The following ROBO2 variants were observed in gnomAD, a reference collection of about 807,000 sequenced individuals.
ROBO2 encodes the protein roundabout homolog 2.
Under a neutral mutation model 160.8 loss-of-function variants are expected in ROBO2, and 53 were observed. That is an observed-to-expected ratio of 0.33 (90% CI 0.26 to 0.41). The LOEUF (loss-of-function observed/expected upper bound fraction) is 0.41, where lower values mean the gene tolerates loss of function less well. Ranked by LOEUF, ROBO2 falls within the 10% of genes least tolerant of loss-of-function variation. The pLI is 1.00. For missense variants in ROBO2, 1,577 were observed against 1,722.4 expected (o/e 0.92, Z 1.49); for synonymous variants, 664 against 611.7 (o/e 1.09, Z -1.26).
intron 2 of ROBO2, among the ~76,000 whole-genome samples, chr3:76,408,799 T>A (rs1478946969): frequency 6.6e-6 from 1 of 152,076 alleles, no homozygotes; most frequent in African/African-American, 2.4e-5. Flanking sequence ...CAGAATATTT[T>A]AAATTTTGTA....
Position 76,272,893 on chromosome 3 carries a change from A to ATATAATATATATTTATATATAAAT in ROBO2, c.109+335291_109+335292insTATAATATATATTTATATATAAAT, listed in dbSNP as rs544962221. 5.1e-4 allele frequency among the ~76,000 whole-genome samples: 19 copies of ATATAATATATATTTATATATAAAT among 37,158 alleles called. 1 individual carries two copies. Among genetic ancestry groups the ATATAATATATATTTATATATAAAT allele is most frequent in the East Asian group, 1.3e-3 (2 of 1,520 alleles). 24.4% of individuals were successfully genotyped at this position (37,158 alleles called of 152,430 possible). ...TATATAATATATATTTATATATAAA[A>ATATAATATATATTTATATATAAAT]ATATAATATATATTTATATATAAAA... On this transcript the variant is annotated intron_variant, in intron 2 of 26. Transcript: ENST00000487694.
At chr3:76,515,107 A>T (rs2081285412) in intron 2 of ROBO2, among the ~76,000 whole-genome samples, 1 of 152,172 alleles carries the variant, frequency 6.6e-6, no homozygotes, top group Admixed American at 6.5e-5. Context: ...AAACACTTGG[A>T]TTAACTATCT....
intron 2 of ROBO2, among the ~76,000 whole-genome samples, chr3:77,205,512 TG>T (rs1192560405): frequency 6.6e-6 from 1 of 151,868 alleles, no homozygotes; most frequent in Non-Finnish European, 1.5e-5. Context: ...GGGTACAGGA[TG>T]GGGGGACATG....
At chr3:76,416,680 C>T (rs2075770405) in intron 2 of ROBO2, among the ~76,000 whole-genome samples, 1 of 151,990 alleles carries the variant, frequency 6.6e-6, no homozygotes, top group Admixed American at 6.6e-5. Flanking sequence ...AGATGATGAC[C>T]ACAAGACACA....
At chr3:77,461,704 G>C (rs1374846732) in intron 2 of ROBO2, among the ~76,000 whole-genome samples, 4 of 150,720 alleles carry the variant, frequency 2.7e-5, no homozygotes, top group African/African-American at 9.7e-5. Context: ...TTTTTTAAAG[G>C]AGGAATCATT....
chr3:76,218,937 G>A (rs949185952), intron 2 of ROBO2, among the ~76,000 whole-genome samples: 116 of 152,128 alleles, frequency 7.6e-4, no homozygotes, highest in African/African-American at 2.6e-3. Flanking sequence ...AGTAACCAAA[G>A]CAGCATGATA....
chr3:77,593,641 T>C (rs2094231037), intron 17 of ROBO2, among the ~76,000 whole-genome samples: 1 of 152,194 alleles, frequency 6.6e-6, no homozygotes, highest in Non-Finnish European at 1.5e-5. Context: ...AGAGTCATAT[T>C]ACCTGATTAT....
intron 2 of ROBO2, among the ~76,000 whole-genome samples, chr3:76,181,458 A>G (rs1015007395): frequency 6.6e-6 from 1 of 152,126 alleles, no homozygotes; most frequent in Non-Finnish European, 1.5e-5. Context: ...GTATGATGGG[A>G]AATTAGAACT....
intron 2 of ROBO2, among the ~76,000 whole-genome samples, chr3:77,349,933 C>T (rs999327824): frequency 2.0e-5 from 3 of 151,938 alleles, no homozygotes; most frequent in Non-Finnish European, 4.4e-5. Context: ...GCAGTCTGGT[C>T]CCGATGTTAG....
At chr3:77,207,142 T>C (rs1180979392) in intron 2 of ROBO2, among the ~76,000 whole-genome samples, 1 of 152,214 alleles carries the variant, frequency 6.6e-6, no homozygotes, top group African/African-American at 2.4e-5. Flanking sequence ...TTATAAATAA[T>C]ATAAAGACTA....
chr3:77,445,411 C>T (rs1218255274), intron 2 of ROBO2, among the ~76,000 whole-genome samples: 1 of 151,938 alleles, frequency 6.6e-6, no homozygotes, highest in Non-Finnish European at 1.5e-5. Context: ...TATGTCACTC[C>T]TCATAAAATA....
chr3:76,959,871 C>T (rs2079527432), intron 2 of ROBO2, among the ~76,000 whole-genome samples: 1 of 151,986 alleles, frequency 6.6e-6, no homozygotes. Flanking sequence ...AAAAATATGA[C>T]AGAAAAAGTA....
chr3:76,835,398 TATA>T lies in ROBO2; in HGVS notation c.110-262609_110-262607del, dbSNP rs1002965030. Among the ~76,000 whole-genome samples, 46 of 147,654 alleles carry T rather than the reference TATA, an allele frequency of 3.1e-4. No homozygotes were observed. The East Asian group carries it at 7.9e-3, about 25-fold the overall frequency. Reference sequence around the variant, plus strand: ...ACAATAATACATTATATGTATTATATATAATAATATATAATATATATAATATAT... The same window carrying T: ...ACAATAATACATTATATGTATTATATATAATATATAATATATATAATATAT... On this transcript the variant is annotated intron_variant, in intron 2 of 26. Coordinates refer to the ROBO2 transcript ENST00000487694.
intron 1 of ROBO2, among the ~76,000 whole-genome samples, chr3:77,090,293 A>G (rs1388859574): frequency 7.8e-6 from 1 of 127,564 alleles, no homozygotes; most frequent in African/African-American, 2.8e-5. Flanking sequence ...TGATCCATAT[A>G]TATGATTTCT....
chr3:76,174,209 T>C (rs1264077656), intron 2 of ROBO2, among the ~76,000 whole-genome samples: 1 of 152,312 alleles, frequency 6.6e-6, no homozygotes, highest in Admixed American at 6.5e-5. Context: ...TTGATGGGGT[T>C]GTTTGCTTTT....
At chr3:77,141,344 T>C (rs1434443851) in intron 2 of ROBO2, among the ~76,000 whole-genome samples, 1 of 151,752 alleles carries the variant, frequency 6.6e-6, no homozygotes, top group African/African-American at 2.4e-5. Flanking sequence ...CCATTATCCT[T>C]GGACGTATAT....
At chr3:76,774,892 A>T (rs1214214329) in intron 2 of ROBO2, among the ~76,000 whole-genome samples, 7 of 150,158 alleles carry the variant, frequency 4.7e-5, no homozygotes. Context: ...AATGGAAAAT[A>T]GTTTGGATGC....
chr3:76,708,851 G>T (rs930745601), intron 2 of ROBO2, among the ~76,000 whole-genome samples: 1 of 152,104 alleles, frequency 6.6e-6, no homozygotes, highest in African/African-American at 2.4e-5. Flanking sequence ...ATAGTAGTGG[G>T]AATAGAGGGA....
At chr3:77,436,201 A>G (rs1421815726) in intron 2 of ROBO2, among the ~76,000 whole-genome samples, 1 of 151,486 alleles carries the variant, frequency 6.6e-6, no homozygotes, top group Non-Finnish European at 1.5e-5. Context: ...TGGGCTGATG[A>G]GAGATTGAGA....
Sources: allele counts gnomAD v4.1 joint callset (sites outside exome capture counted in the v4.1 genomes callset), GRCh38; gene constraint gnomAD v4.1.1; transcripts MANE v1.5; gene names NCBI Gene and HGNC (gene_info 2026-07-23, HGNC 2026-07-21).